CADM2: variants seen among roughly 807,000 people sequenced by gnomAD.
CADM2 encodes cell adhesion molecule 2.
A neutral mutation model predicts 49.8 loss-of-function variants in CADM2; 12 were observed. The observed-to-expected ratio is 0.24, with a 90% CI of 0.15 to 0.39. The LOEUF (loss-of-function observed/expected upper bound fraction) is 0.39, where lower values mean the gene tolerates loss of function less well. Among genes scored for constraint, CADM2 ranks in the 10% least tolerant of loss-of-function variants. The pLI is 1.00. For missense variants in CADM2, 378 were observed against 492.3 expected (o/e 0.77, Z 2.20); for synonymous variants, 214 against 175.4 (o/e 1.22, Z -1.74).
intron 1 of CADM2, among the ~76,000 whole-genome samples, chr3:85,504,596 G>A (rs897228563): frequency 5.9e-5 from 9 of 152,278 alleles, no homozygotes; most frequent in East Asian, 5.8e-4. Flanking sequence ...TCAAATTCAG[G>A]AGCCCAGCTG....
At chr3:85,565,588 G>T (rs1306601531) in intron 1 of CADM2, among the ~76,000 whole-genome samples, 1 of 151,918 alleles carries the variant, frequency 6.6e-6, no homozygotes, top group Non-Finnish European at 1.5e-5. Context: ...TTTTAACAAT[G>T]CTCATATCTC....
intron 1 of CADM2, among the ~76,000 whole-genome samples, chr3:85,529,526 G>A (rs971463396): frequency 6.6e-6 from 1 of 152,158 alleles, no homozygotes; most frequent in Non-Finnish European, 1.5e-5. Flanking sequence ...ATAATTGCTA[G>A]AATGATTATA....
At chr3:85,524,801 T>A (rs1384013069) in intron 1 of CADM2, among the ~76,000 whole-genome samples, 1 of 152,222 alleles carries the variant, frequency 6.6e-6, no homozygotes, top group South Asian at 2.1e-4. Context: ...GTATTTGAGC[T>A]TACACTCAAT....
At position 85,448,274 on chromosome 3, in the gene CADM2, A is replaced by G. The variant is rs1036069364; in HGVS notation, c.62-278248A>G. On this transcript the variant is annotated intron_variant, in intron 1 of 9. Transcript: ENST00000383699. ...CGAGAACCCGGAAGGCGGAGCTTGC[A>G]GTGAGCCGAGATCGCGCCACTGCAC... Among the ~76,000 whole-genome samples the G allele has an allele frequency of 2.7e-5, 4 of 149,400 alleles. No homozygotes were observed. The South Asian group carries it at 8.5e-4, about 32-fold the overall frequency.
At position 86,073,619 on chromosome 3, in the gene CADM2, G is replaced by T. The variant is rs895277943; in HGVS notation, c.*6836G>T. The T allele has an allele frequency of 2.0e-5, 3 of 151,768 alleles. No homozygotes were observed. Among genetic ancestry groups the T allele is most frequent in the African/African-American group, 7.3e-5 (3 of 41,366 alleles). 9.4% of individuals were successfully genotyped at this position (151,768 alleles called of 1,614,324 possible). A position where few individuals can be genotyped will look rare whatever the true frequency, so the allele number is the denominator to read the frequency against. On this transcript the variant is annotated 3_prime_UTR_variant, in exon 10 of 10. Transcript: ENST00000383699. ...CAGAAAAAAATTGTCTGATAAATAT[G>T]GAAAAATAAAATTTGAATTTTAGTT...
At chr3:85,631,264 A>C (rs888057949) in intron 1 of CADM2, among the ~76,000 whole-genome samples, 11 of 152,046 alleles carry the variant, frequency 7.2e-5, no homozygotes, top group Admixed American at 6.6e-5. Context: ...CTTGTCCAGG[A>C]CAGCTGCTGT....
rs56769723 is a variant in CADM2, at chr3:85,924,592, AAAATAAATAAAT to A, written c.701-11152_701-11141del. Among the ~76,000 whole-genome samples the A allele has an allele frequency of 7.5e-5, 11 of 146,292 alleles. No homozygotes were observed. The South Asian group carries it at 8.8e-4, about 12-fold the overall frequency. Reference sequence around the variant, plus strand: ...GGGTGACAAAATGAAACAACATCTAAAAATAAATAAATAAATAAATAAATAAATAAATAAGAA... The same window carrying A: ...GGGTGACAAAATGAAACAACATCTAAAAATAAATAAATAAATAAATAAGAA... On this transcript the variant is annotated intron_variant, in intron 6 of 9. Transcript: ENST00000383699.
At chr3:85,404,263 A>G (rs1445378983) in intron 1 of CADM2, among the ~76,000 whole-genome samples, 1 of 152,110 alleles carries the variant, frequency 6.6e-6, no homozygotes, top group Non-Finnish European at 1.5e-5. Flanking sequence ...TCACCATAGC[A>G]TTCCTTCACT....
chr3:85,680,734 T>C (rs1473132885), intron 1 of CADM2, among the ~76,000 whole-genome samples: 5 of 152,222 alleles, frequency 3.3e-5, no homozygotes, highest in Non-Finnish European at 5.9e-5. Context: ...ATTAGCACTT[T>C]GTTCTTTCTC....
rs1463156058 is a variant in CADM2, at chr3:85,713,815, C to T, written c.62-12707C>T. 2.0e-5 allele frequency among the ~76,000 whole-genome samples: 3 copies of T among 152,200 alleles called. No homozygotes were observed. In the East Asian group the frequency reaches 5.8e-4, roughly 29 times the overall value. The stretch of plus-strand genomic sequence containing the variant: ...GGTATCTACATGCTCTTTGAATTAG[C>T]ATGCCTTAAATACAAAATATATGTT... On this transcript the variant is annotated intron_variant, in intron 1 of 9. Transcript: ENST00000383699.
chr3:85,798,222 T>A (rs1183222564), intron 2 of CADM2, among the ~76,000 whole-genome samples: 1 of 152,188 alleles, frequency 6.6e-6, no homozygotes, highest in Non-Finnish European at 1.5e-5. Flanking sequence ...TTAGGTTGCC[T>A]ATTCACTCTG....
chr3:85,178,236 A>G (rs2040836528), intron 1 of CADM2, among the ~76,000 whole-genome samples: 1 of 151,926 alleles, frequency 6.6e-6, no homozygotes, highest in Non-Finnish European at 1.5e-5. Context: ...AATTAAAATT[A>G]TTTGCCTAGG....
chr3:85,236,582 G>A (rs1420780936), intron 1 of CADM2, among the ~76,000 whole-genome samples: 1 of 152,074 alleles, frequency 6.6e-6, no homozygotes, highest in African/African-American at 2.4e-5. Flanking sequence ...TGTGATGAAA[G>A]ATAATGATGT....
chr3:86,017,325 A>G (rs1466726471), intron 8 of CADM2, among the ~76,000 whole-genome samples: 1 of 151,974 alleles, frequency 6.6e-6, no homozygotes, highest in Non-Finnish European at 1.5e-5. Flanking sequence ...AAGCTCCTAG[A>G]CATGTTTTAC....
rs568738040 is a variant in CADM2, at chr3:85,696,370, GT to G, written c.62-30144del. 3.1e-4 allele frequency among the ~76,000 whole-genome samples: 47 copies of G among 151,854 alleles called. 1 individual carries two copies. The East Asian group carries it at 8.1e-3, about 26-fold the overall frequency. ...CAATGTCCAGACAAGTTTCTCCTAA[GT>G]TTTTTTTCTAGAATTTTTATGCTTC... On this transcript the variant is annotated intron_variant, in intron 1 of 9. Coordinates refer to ENST00000383699, the MANE Select transcript of CADM2 (RefSeq NM_001167675.2).
chr3:85,935,029 T>G (rs2108537136), intron 6 of CADM2, among the ~76,000 whole-genome samples: 1 of 152,202 alleles, frequency 6.6e-6, no homozygotes, highest in South Asian at 2.1e-4. Flanking sequence ...TGAAATATGT[T>G]ACCTTTGTGT....
intron 8 of CADM2, among the ~76,000 whole-genome samples, chr3:86,020,256 C>T (rs13063926): frequency 1.2e-4 from 18 of 150,722 alleles, no homozygotes; most frequent in Middle Eastern, 3.4e-3. Flanking sequence ...ATAAATTCCT[C>T]GACACATACA....
At chr3:85,470,333 G>A (rs1226655079) in intron 1 of CADM2, among the ~76,000 whole-genome samples, 3 of 152,148 alleles carry the variant, frequency 2.0e-5, no homozygotes. Flanking sequence ...TGTGTCCTGG[G>A]AATACAGGTA....
chr3:86,072,407 C>T lies in CADM2; in HGVS notation c.*5624C>T, dbSNP rs1353563694. On this transcript the variant is annotated 3_prime_UTR_variant, in exon 10 of 10. Transcript: ENST00000383699. ...AAATGTGAAAAAGATATAAAAAAAA[C>T]AAAAAAAACAAAAAAAAAACACTAT... The T allele has an allele frequency of 7.0e-6, 1 of 143,220 alleles. No individual in the cohort carries two copies. The highest frequency in any genetic ancestry group is 1.5e-5 in the Non-Finnish European group (1 of 64,932). 8.9% of individuals were successfully genotyped at this position (143,220 alleles called of 1,614,324 possible).
Sources: allele counts gnomAD v4.1 joint callset (sites outside exome capture counted in the v4.1 genomes callset), GRCh38; gene constraint gnomAD v4.1.1; transcripts MANE v1.5; gene names NCBI Gene and HGNC (gene_info 2026-07-23, HGNC 2026-07-21).